ITIH5: variants seen among roughly 807,000 people sequenced by gnomAD.
The protein encoded by ITIH5 is inter-alpha-trypsin inhibitor heavy chain 5, also known as inter-alpha-trypsin inhibitor heavy chain H5.
ITIH5 carries 65 observed loss-of-function variants against 77.5 expected under a neutral mutation model. That is an observed-to-expected ratio of 0.84 (90% CI 0.69 to 1.03). The LOEUF (loss-of-function observed/expected upper bound fraction) is 1.03, where lower values mean the gene tolerates loss of function less well. Ranked by LOEUF, ITIH5 falls within the 50% of genes least tolerant of loss-of-function variation. The pLI, the probability that ITIH5 is intolerant of heterozygous loss-of-function variation, is 0.00. For missense variants in ITIH5, 1,208 were observed against 1,213.1 expected (o/e 1.00, Z 0.06); for synonymous variants, 525 against 494.3 (o/e 1.06, Z -0.82).
intron 7 of ITIH5, among the ~76,000 whole-genome samples, chr10:7,593,430 T>C (rs1204507876): frequency 2.1e-5 from 1 of 46,740 alleles, no homozygotes; most frequent in Admixed American, 2.4e-4. Flanking sequence ...CCAGCCCCAC[T>C]CACCCCTGCA....
At chr10:7,578,327 T>G (rs189809739) in intron 9 of ITIH5, 1 of 167,824 alleles carries the variant, frequency 6.0e-6, no homozygotes, top group African/African-American at 2.4e-5. Flanking sequence ...TCATCTGGGA[T>G]GATGCACATC....
At chr10:7,634,227 T>C (rs1244545182) in intron 5 of ITIH5, among the ~76,000 whole-genome samples, 2 of 152,164 alleles carry the variant, frequency 1.3e-5, no homozygotes, top group East Asian at 3.8e-4. Flanking sequence ...TTGGACCTCA[T>C]TCACACAATC....
intron 5 of ITIH5, among the ~76,000 whole-genome samples, chr10:7,629,969 T>C (rs563626464): frequency 8.5e-5 from 13 of 152,176 alleles, no homozygotes; most frequent in South Asian, 2.1e-4. Context: ...TTTGAATGTA[T>C]TGGGGGGGCT....
Position 7,628,774 on chromosome 10 carries a change from CGT to C in ITIH5, c.652+8452_652+8453del, listed in dbSNP as rs1232295640. Among the ~76,000 whole-genome samples, 3 of 116,322 alleles carry C rather than the reference CGT, an allele frequency of 2.6e-5. 1 individual carries two copies. Among genetic ancestry groups the C allele is most frequent in the Admixed American group, 9.6e-5 (1 of 10,446 alleles). 76.3% of individuals were successfully genotyped at this position (116,322 alleles called of 152,430 possible). On this transcript the variant is annotated intron_variant, in intron 5 of 13. Coordinates refer to ENST00000397146, the MANE Select transcript of ITIH5 (RefSeq NM_030569.7). ...GTTGCAGCGTGTGTCCATGTTGTAG[CGT>C]GTGTCCATGTTATCATATGTATCTG... is the stretch of plus-strand genomic sequence containing the variant.
rs1006737000 is a variant in ITIH5, at chr10:7,605,010, C to T, written c.939+10972G>A. On this transcript the variant is annotated intron_variant, in intron 7 of 13. Coordinates refer to ENST00000397146, the MANE Select transcript of ITIH5 (RefSeq NM_030569.7). The stretch of plus-strand genomic sequence containing the variant: ...CCAATTTTTGTATTTTTAGTAGAAA[C>T]GAGATTTCACCATGTTGCCCAGGCT... Among the ~76,000 whole-genome samples the T allele has an allele frequency of 5.3e-5, 8 of 151,996 alleles. No homozygotes were observed. The South Asian group carries it at 8.3e-4, about 16-fold the overall frequency.
chr10:7,617,264 G>C lies in ITIH5; in HGVS notation c.671C>G (p.Pro224Arg). Residue 224 changes from proline to arginine, a missense_variant, in exon 6 of 14, where the codon CCA becomes CGA. Coordinates refer to ENST00000397146, the MANE Select transcript of ITIH5 (RefSeq NM_030569.7). ...TTCATTTTGGTTAATGACAGTAGATGGGGGAGGCCCAGAATCATCTGCAAA... is the reference window on the plus strand; with the variant it reads ...TTCATTTTGGTTAATGACAGTAGATCGGGGAGGCCCAGAATCATCTGCAAA... ...GRGEDDSGPP[P>R]STVINQNETF... 6.3e-7 allele frequency: 1 copy of C among 1,581,512 alleles called. No individual in the cohort carries two copies. The highest frequency in any genetic ancestry group is 2.3e-5 in the East Asian group (1 of 43,104).
chr10:7,644,667 A>ATATATCACCTATC (rs1833962636), intron 2 of ITIH5, among the ~76,000 whole-genome samples: 1 of 136,822 alleles, frequency 7.3e-6, no homozygotes, highest in Non-Finnish European at 1.5e-5. Flanking sequence ...TATATATCAT[A>ATATATCACCTATC]TATATCACAT....
rs1440567617 is a variant in ITIH5, at chr10:7,560,921, T to C, written c.*2162A>G. 6.6e-6 allele frequency: 1 copy of C among 151,810 alleles called. No homozygotes were observed. The highest frequency in any genetic ancestry group is 1.5e-5 in the Non-Finnish European group (1 of 67,994). 9.4% of individuals were successfully genotyped at this position (151,810 alleles called of 1,614,324 possible). A position where few individuals can be genotyped will look rare whatever the true frequency, so the allele number is the denominator to read the frequency against. On this transcript the variant is annotated 3_prime_UTR_variant, in exon 14 of 14. Coordinates refer to ENST00000397146, the MANE Select transcript of ITIH5 (RefSeq NM_030569.7). ...CACTCCACGGCACTCTCTGCCTCAGTTTCCCTATCTGGGAAGATTTTCTGG... is the reference window on the plus strand; with the variant it reads ...CACTCCACGGCACTCTCTGCCTCAGCTTCCCTATCTGGGAAGATTTTCTGG...
chr10:7,650,966 A>T (rs984136355), intron 2 of ITIH5, among the ~76,000 whole-genome samples: 1 of 150,624 alleles, frequency 6.6e-6, no homozygotes, highest in Non-Finnish European at 1.5e-5. Flanking sequence ...TATACAAGAA[A>T]ACCCTCCCCC....
At chr10:7,612,965 C>T (rs1222549007) in intron 7 of ITIH5, among the ~76,000 whole-genome samples, 1 of 152,148 alleles carries the variant, frequency 6.6e-6, no homozygotes, top group Admixed American at 6.5e-5. Context: ...GTACACAGGG[C>T]CGGGCGCGGT....
intron 9 of ITIH5, chr10:7,578,688 T>C (rs540438051): frequency 1.3e-5 from 2 of 152,306 alleles, no homozygotes; most frequent in African/African-American, 4.8e-5. Flanking sequence ...ATTAAACACC[T>C]ATAAATCTAC....
chr10:7,590,573 G>A (rs370339215), intron 7 of ITIH5, among the ~76,000 whole-genome samples: 116 of 152,310 alleles, frequency 7.6e-4, no homozygotes, highest in African/African-American at 2.3e-3. Context: ...TTACTGTAAC[G>A]TATCATATAC....
chr10:7,596,206 T>A (rs891606128), intron 7 of ITIH5, among the ~76,000 whole-genome samples: 3 of 152,134 alleles, frequency 2.0e-5, no homozygotes, highest in African/African-American at 7.2e-5. Context: ...AGGGTCTTCC[T>A]TTCTCTTCCG....
intron 5 of ITIH5, among the ~76,000 whole-genome samples, chr10:7,625,758 C>T (rs1833566049): frequency 7.0e-6 from 1 of 143,652 alleles, no homozygotes; most frequent in African/African-American, 2.7e-5. Flanking sequence ...GAGTGATATT[C>T]TGTCTCAAAA....
intron 8 of ITIH5, among the ~76,000 whole-genome samples, chr10:7,580,772 C>T (rs890626924): frequency 5.3e-5 from 8 of 152,126 alleles, no homozygotes; most frequent in Admixed American, 4.6e-4. Context: ...AGATGCCTTC[C>T]AGTGTTGTCT....
chr10:7,567,880 A>T (rs1353966795), intron 12 of ITIH5, among the ~76,000 whole-genome samples: 2 of 152,372 alleles, frequency 1.3e-5, no homozygotes, highest in East Asian at 3.9e-4. Context: ...TCTCAAAAAA[A>T]CAAAAACCCT....
chr10:7,589,584 C>G (rs901585270), intron 7 of ITIH5, among the ~76,000 whole-genome samples: 9 of 152,106 alleles, frequency 5.9e-5, no homozygotes, highest in African/African-American at 2.2e-4. Flanking sequence ...GAGAAAAGAA[C>G]AGCAATGGAG....
intron 7 of ITIH5, among the ~76,000 whole-genome samples, chr10:7,589,908 CT>C (rs1832758399): frequency 6.6e-6 from 1 of 151,828 alleles, no homozygotes; most frequent in Non-Finnish European, 1.5e-5. Flanking sequence ...CTCCCCTGGG[CT>C]TTGCTGTTGT....
chr10:7,662,354 C>CA (rs763132848), intron 1 of ITIH5, among the ~76,000 whole-genome samples: 5,039 of 135,366 alleles, frequency 0.037, 305 homozygotes, highest in African/African-American at 0.13. Context: ...GAGACTGTCT[C>CA]AAAAAAAAAA....
Sources: gnomAD v4.1 joint callset for allele counts (sites outside exome capture counted in the v4.1 genomes callset) on GRCh38, gnomAD v4.1.1 for gene constraint, MANE v1.5 for transcripts, NCBI Gene and HGNC (gene_info 2026-07-23, HGNC 2026-07-21) for gene names.